Variants in NALF1 observed in about 807,000 individuals in gnomAD.
The protein encoded by NALF1 is NALCN channel auxiliary factor 1.
NALF1 carries 3 observed loss-of-function variants against 48.4 expected under a neutral mutation model. That is an observed-to-expected ratio of 0.06 (90% CI 0.03 to 0.16). The LOEUF (loss-of-function observed/expected upper bound fraction) is 0.16. Among genes scored for constraint, NALF1 ranks in the 10% least tolerant of loss-of-function variants. The pLI, the probability that NALF1 is intolerant of heterozygous loss-of-function variation, is 1.00. For synonymous variants in NALF1, 262 were observed against 245.7 expected (o/e 1.07, Z -0.62); for missense variants, 526 against 571.5 (o/e 0.92, Z 0.81).
intron 1 of NALF1, among the ~76,000 whole-genome samples, chr13:107,226,315 T>C (rs986737476): frequency 6.6e-6 from 1 of 152,208 alleles, no homozygotes; most frequent in Non-Finnish European, 1.5e-5. Flanking sequence ...CTCACTATTA[T>C]TTAAAATCAG....
At chr13:107,358,978 T>C (rs1883011991) in intron 1 of NALF1, among the ~76,000 whole-genome samples, 1 of 152,138 alleles carries the variant, frequency 6.6e-6, no homozygotes, top group Non-Finnish European at 1.5e-5. Flanking sequence ...TTCTGGACAT[T>C]TTTGGAGATC....
chr13:107,212,934 C>T (rs1242694507), intron 1 of NALF1, among the ~76,000 whole-genome samples: 2 of 152,140 alleles, frequency 1.3e-5, no homozygotes, highest in African/African-American at 4.8e-5. Flanking sequence ...CTCATGTTTT[C>T]ATTGGCCAAA....
intron 2 of NALF1, among the ~76,000 whole-genome samples, chr13:107,175,600 T>C (rs1293768186): frequency 6.6e-6 from 1 of 152,228 alleles, no homozygotes; most frequent in Non-Finnish European, 1.5e-5. Context: ...CATTCTTCTC[T>C]GACTTGAATT....
At chr13:107,461,053 T>G (rs1884910408) in intron 1 of NALF1, among the ~76,000 whole-genome samples, 1 of 152,164 alleles carries the variant, frequency 6.6e-6, no homozygotes, top group Non-Finnish European at 1.5e-5. Context: ...CATCCTTGAT[T>G]TTAACTGTCC....
intron 1 of NALF1, among the ~76,000 whole-genome samples, chr13:107,314,164 C>G (rs1229340977): frequency 6.6e-6 from 1 of 152,130 alleles, no homozygotes; most frequent in Non-Finnish European, 1.5e-5. Flanking sequence ...CTCAGGTCTA[C>G]TCTGTTTCTC....
rs377693837 is a variant in NALF1 at position 107,730,353 on chromosome 13, CA to C, written c.915+135328del. On this transcript the variant is annotated intron_variant, in intron 1 of 2. Transcript: ENST00000375915. ...CAACCTAGTCTTATCCTCTGTAATA[CA>C]AAAATTATACAGGACTCTGCTTCCC... is the stretch of plus-strand genomic sequence containing the variant. Among the ~76,000 whole-genome samples the C allele has an allele frequency of 2.6e-5, 4 of 152,218 alleles. No homozygotes were observed. In the South Asian group the frequency reaches 8.3e-4, roughly 32 times the overall value.
At chr13:107,490,275 T>G (rs998946417) in intron 1 of NALF1, among the ~76,000 whole-genome samples, 1 of 152,198 alleles carries the variant, frequency 6.6e-6, no homozygotes, top group Admixed American at 6.5e-5. Flanking sequence ...CACACTCGCA[T>G]GTGTTCACTG....
chr13:107,596,382 T>A (rs1258133704), intron 1 of NALF1, among the ~76,000 whole-genome samples: 1 of 152,208 alleles, frequency 6.6e-6, no homozygotes, highest in Non-Finnish European at 1.5e-5. Flanking sequence ...ATACGTGTAT[T>A]GCAGCACTAT....
At position 107,315,625 on chromosome 13, in the gene NALF1, C is replaced by T. The variant is rs568999789; in HGVS notation, c.916-104870G>A. Among the ~76,000 whole-genome samples the T allele has an allele frequency of 3.3e-5, 5 of 151,976 alleles. No individual in the cohort carries two copies. The South Asian group carries it at 1.0e-3, about 32-fold the overall frequency. ...TGATTTTCTTTTGAGTAAGTGTTTT[C>T]TGTATGAGACATTGAAACGTAATCC... On this transcript the variant is annotated intron_variant, in intron 1 of 2. Coordinates refer to ENST00000375915, the MANE Select transcript of NALF1 (RefSeq NM_001080396.3).
At chr13:107,730,493 C>A (rs1210251031) in intron 1 of NALF1, among the ~76,000 whole-genome samples, 1 of 152,134 alleles carries the variant, frequency 6.6e-6, no homozygotes, top group Admixed American at 6.6e-5. Context: ...TTTCCCTGTA[C>A]TTCTGTGTTC....
chr13:107,516,633 T>A (rs1876061521), intron 1 of NALF1, among the ~76,000 whole-genome samples: 1 of 151,880 alleles, frequency 6.6e-6, no homozygotes, highest in African/African-American at 2.4e-5. Flanking sequence ...AAATCCATAG[T>A]GGTGACTACT....
chr13:107,591,532 T>C (rs112018403), intron 1 of NALF1, among the ~76,000 whole-genome samples: 1 of 152,000 alleles, frequency 6.6e-6, no homozygotes, highest in African/African-American at 2.4e-5. Context: ...GTCATTTTCT[T>C]TAATTTTTAT....
intron 1 of NALF1, among the ~76,000 whole-genome samples, chr13:107,436,815 G>A (rs1442561041): frequency 6.6e-6 from 1 of 152,130 alleles, no homozygotes; most frequent in Non-Finnish European, 1.5e-5. Flanking sequence ...GATTGTTTAT[G>A]TAGAAAATCT....
intron 1 of NALF1, among the ~76,000 whole-genome samples, chr13:107,336,407 T>G (rs1337994515): frequency 6.6e-6 from 1 of 151,800 alleles, no homozygotes; most frequent in African/African-American, 2.4e-5. Context: ...ATCTAATATC[T>G]TCACGAGTAG....
chr13:107,357,417 T>G (rs1045564811), intron 1 of NALF1, among the ~76,000 whole-genome samples: 2 of 152,098 alleles, frequency 1.3e-5, no homozygotes, highest in African/African-American at 4.8e-5. Flanking sequence ...ATGGGTATTA[T>G]AGGGATTACA....
intron 1 of NALF1, among the ~76,000 whole-genome samples, chr13:107,755,003 T>C (rs1034896110): frequency 6.6e-6 from 1 of 152,236 alleles, no homozygotes; most frequent in African/African-American, 2.4e-5. Context: ...GTGGTAGTAA[T>C]CCTGTGTCTC....
intron 1 of NALF1, among the ~76,000 whole-genome samples, chr13:107,578,840 T>A (rs1464670387): frequency 6.6e-6 from 1 of 152,192 alleles, no homozygotes; most frequent in Non-Finnish European, 1.5e-5. Context: ...AACTGATTTG[T>A]ATTTCATTTC....
intron 1 of NALF1, among the ~76,000 whole-genome samples, chr13:107,370,236 C>T (rs978869381): frequency 2.0e-5 from 3 of 152,184 alleles, no homozygotes; most frequent in African/African-American, 4.8e-5. Context: ...CAGAGGGCTT[C>T]CTATCCGGTG....
At chr13:107,637,536 CA>C (rs1410761034) in intron 1 of NALF1, among the ~76,000 whole-genome samples, 2 of 152,126 alleles carry the variant, frequency 1.3e-5, no homozygotes, top group Admixed American at 6.6e-5. Context: ...CTTTAGTGAA[CA>C]ATTAAGCTCT....
Sources: gnomAD v4.1 joint callset for allele counts (sites outside exome capture counted in the v4.1 genomes callset) on GRCh38, gnomAD v4.1.1 for gene constraint, MANE v1.5 for transcripts, NCBI Gene and HGNC (gene_info 2026-07-23, HGNC 2026-07-21) for gene names.